The following ENTREP2 variants were observed in gnomAD, a reference collection of about 807,000 sequenced individuals.
ENTREP2 encodes endosomal transmembrane epsin interactor 2, also known as protein ENTREP2.
At chr15:29,555,269 A>C in the ENTREP2 span, among the ~76,000 whole-genome samples, 1 of 152,256 alleles carries the variant, frequency 6.6e-6, no homozygotes, top group South Asian at 2.1e-4. Flanking sequence ...ATTTTCTAAC[A>C]AGATGCTGTA....
chr15:29,613,778 T>A, the ENTREP2 span: 1 of 164,940 alleles, frequency 6.1e-6, no homozygotes, highest in Admixed American at 6.4e-5. Context: ...CTCTGCAAGC[T>A]AGCAGTCAAT....
At chr15:29,486,451 G>T in the ENTREP2 span, among the ~76,000 whole-genome samples, 4 of 152,174 alleles carry the variant, frequency 2.6e-5, no homozygotes, top group Non-Finnish European at 5.9e-5. Flanking sequence ...AGCACTTTGG[G>T]AGGCCGAGGT....
chr15:29,182,652 A>C, the ENTREP2 span, among the ~76,000 whole-genome samples: 1 of 151,680 alleles, frequency 6.6e-6, no homozygotes, highest in African/African-American at 2.4e-5. Flanking sequence ...ATATATGAGA[A>C]AGAAAGAGAG....
At chr15:29,429,497 G>C in the ENTREP2 span, among the ~76,000 whole-genome samples, 1 of 152,150 alleles carries the variant, frequency 6.6e-6, no homozygotes, top group Non-Finnish European at 1.5e-5. Context: ...CTAGGATCAC[G>C]GGCATAAGCC....
the ENTREP2 span, among the ~76,000 whole-genome samples, chr15:29,244,302 C>T: frequency 6.6e-6 from 1 of 152,330 alleles, no homozygotes; most frequent in African/African-American, 2.4e-5. Flanking sequence ...TTAATAAAGG[C>T]ATCTCTCAGA....
chr15:29,570,513 C>T, the ENTREP2 span: 1 of 1,394,988 alleles, frequency 7.2e-7, no homozygotes, highest in Non-Finnish European at 9.3e-7. Context: ...ACCGAGAAGC[C>T]TGCCCAGAAG....
At chr15:29,295,261 C>A in the ENTREP2 span, among the ~76,000 whole-genome samples, 3 of 152,218 alleles carry the variant, frequency 2.0e-5, no homozygotes, top group African/African-American at 7.2e-5. Flanking sequence ...GCACTGACGA[C>A]GATGGGCAGC....
chr15:29,369,953 A>G, the ENTREP2 span, among the ~76,000 whole-genome samples: 1 of 152,200 alleles, frequency 6.6e-6, no homozygotes, highest in East Asian at 1.9e-4. Flanking sequence ...GTTTGGAGGA[A>G]GCACAAGGCC....
At chr15:29,450,804 TGCAAAGGAACA>T in the ENTREP2 span, among the ~76,000 whole-genome samples, 1 of 152,182 alleles carries the variant, frequency 6.6e-6, no homozygotes, top group East Asian at 1.9e-4. Context: ...ATGATGTTCC[TGCAAAGGAACA>T]TAGATGGCCA....
the ENTREP2 span, among the ~76,000 whole-genome samples, chr15:29,255,894 G>C: frequency 6.6e-6 from 1 of 151,762 alleles, no homozygotes; most frequent in East Asian, 1.9e-4. Context: ...CCAGCTACTC[G>C]GGATGCTGAG....
chr15:29,572,206 AG>A, the ENTREP2 span, among the ~76,000 whole-genome samples: 1 of 152,326 alleles, frequency 6.6e-6, no homozygotes, highest in African/African-American at 2.4e-5. Context: ...AGGGATGAAC[AG>A]GGGGTAGGGA....
At chr15:29,208,102 G>A in the ENTREP2 span, among the ~76,000 whole-genome samples, 1 of 152,188 alleles carries the variant, frequency 6.6e-6, no homozygotes, top group East Asian at 1.9e-4. Flanking sequence ...CAGCAGGGAT[G>A]GCAAACACAG....
At chr15:29,427,578 C>T in the ENTREP2 span, among the ~76,000 whole-genome samples, 2 of 152,196 alleles carry the variant, frequency 1.3e-5, no homozygotes, top group South Asian at 2.1e-4. Context: ...GGCTTGTGGC[C>T]CCACTGCACT....
At chr15:29,388,906 T>C in the ENTREP2 span, among the ~76,000 whole-genome samples, 13 of 135,594 alleles carry the variant, frequency 9.6e-5, no homozygotes, top group Admixed American at 1.7e-4. Flanking sequence ...TAGGTGGGAA[T>C]TGAACAATGA....
the ENTREP2 span, among the ~76,000 whole-genome samples, chr15:29,225,182 GAAAGGGGCT>G: frequency 1.3e-5 from 2 of 152,220 alleles, no homozygotes; most frequent in Non-Finnish European, 2.9e-5. Context: ...GGCCAGCCCA[GAAAGGGGCT>G]CCCACAGTGC....
At chr15:29,207,060 C>T in the ENTREP2 span, among the ~76,000 whole-genome samples, 5 of 152,148 alleles carry the variant, frequency 3.3e-5, no homozygotes, top group African/African-American at 7.2e-5. Flanking sequence ...AGCTACTCGC[C>T]AAGCAGCTCC....
the ENTREP2 span, among the ~76,000 whole-genome samples, chr15:29,555,122 C>G: frequency 6.6e-6 from 1 of 152,196 alleles, no homozygotes; most frequent in Non-Finnish European, 1.5e-5. Context: ...TTCTGACTCA[C>G]AGAGAGAGAA....
At chr15:29,224,580 T>G in the ENTREP2 span, among the ~76,000 whole-genome samples, 1 of 152,164 alleles carries the variant, frequency 6.6e-6, no homozygotes, top group African/African-American at 2.4e-5. Flanking sequence ...GTTCTCCACC[T>G]CCTCACTAGA....
the ENTREP2 span, among the ~76,000 whole-genome samples, chr15:29,310,331 G>A: frequency 5.3e-5 from 8 of 152,274 alleles, no homozygotes; most frequent in Admixed American, 1.3e-4. Flanking sequence ...AAGCTCCTAC[G>A]CAGCAACTCA....
Sources: allele counts gnomAD v4.1 joint callset (sites outside exome capture counted in the v4.1 genomes callset), GRCh38; gene constraint gnomAD v4.1.1; transcripts MANE v1.5; gene names NCBI Gene and HGNC (gene_info 2026-07-23, HGNC 2026-07-21).